RAB38: variants seen among roughly 807,000 people sequenced by gnomAD.
RAB38 encodes the protein ras-related protein Rab-38.
A neutral mutation model predicts 18.4 loss-of-function variants in RAB38; 15 were observed. That is an observed-to-expected ratio of 0.82 (90% confidence interval 0.55 to 1.26). The LOEUF is 1.26. Among genes scored for constraint, RAB38 ranks in the 50% most tolerant of loss-of-function variants. RAB38 has a pLI of 0.00. For missense variants in RAB38, 294 were observed against 267.4 expected (o/e 1.10, Z -0.69); for synonymous variants, 101 against 104.4 (o/e 0.97, Z 0.20).
chr11:88,007,201 C>G, the RAB38 span, among the ~76,000 whole-genome samples: 1 of 151,654 alleles, frequency 6.6e-6, no homozygotes, highest in Non-Finnish European at 1.5e-5. Context: ...TATAAACCAT[C>G]CAGATAAAAA....
the RAB38 span, among the ~76,000 whole-genome samples, chr11:88,056,876 G>A: frequency 6.6e-6 from 1 of 151,852 alleles, no homozygotes; most frequent in Admixed American, 6.6e-5. Flanking sequence ...ATTGTCATGA[G>A]GACTTAGGGG....
At chr11:87,876,911 A>C in the RAB38 span, among the ~76,000 whole-genome samples, 4 of 151,652 alleles carry the variant, frequency 2.6e-5, no homozygotes, top group East Asian at 5.9e-4. Flanking sequence ...AATTAAACAC[A>C]TAATATAGTT....
chr11:88,063,831 G>A, the RAB38 span, among the ~76,000 whole-genome samples: 1 of 152,122 alleles, frequency 6.6e-6, no homozygotes, highest in Non-Finnish European at 1.5e-5. Flanking sequence ...GGCCTCCCCA[G>A]CCACGTGGAA....
chr11:88,173,364 C>T (rs1306834556), intron 1 of RAB38, among the ~76,000 whole-genome samples: 2 of 152,142 alleles, frequency 1.3e-5, no homozygotes, highest in African/African-American at 4.8e-5. Flanking sequence ...AAAGCATTCT[C>T]CCTGTTTACA....
chr11:87,872,828 T>C, the RAB38 span, among the ~76,000 whole-genome samples: 1 of 151,626 alleles, frequency 6.6e-6, no homozygotes, highest in African/African-American at 2.4e-5. Context: ...GTTGCATGAA[T>C]GTGTCCCAGA....
At chr11:87,927,394 T>C in the RAB38 span, among the ~76,000 whole-genome samples, 1 of 152,078 alleles carries the variant, frequency 6.6e-6, no homozygotes, top group East Asian at 1.9e-4. Context: ...ACCCATAATA[T>C]TGTATACTGC....
At chr11:88,075,790 A>G in the RAB38 span, among the ~76,000 whole-genome samples, 1 of 151,930 alleles carries the variant, frequency 6.6e-6, no homozygotes, top group Non-Finnish European at 1.5e-5. Flanking sequence ...CTGAGGTTGG[A>G]GGATGGCTTG....
chr11:88,095,213 T>C, the RAB38 span, among the ~76,000 whole-genome samples: 1 of 151,978 alleles, frequency 6.6e-6, no homozygotes, highest in Admixed American at 6.6e-5. Context: ...GAAAGCTCTG[T>C]ATTTATCTCA....
At chr11:87,822,291 T>G in the RAB38 span, among the ~76,000 whole-genome samples, 2 of 152,108 alleles carry the variant, frequency 1.3e-5, no homozygotes, top group Non-Finnish European at 2.9e-5. Flanking sequence ...ATTGTCAGAG[T>G]GGATTAAAAC....
the RAB38 span, among the ~76,000 whole-genome samples, chr11:88,038,460 T>G: frequency 6.6e-6 from 1 of 151,888 alleles, no homozygotes; most frequent in Non-Finnish European, 1.5e-5. Context: ...TCTAAGCCAT[T>G]TAACAGTTTT....
chr11:88,116,580 C>A (rs1023816173), intron 2 of RAB38, among the ~76,000 whole-genome samples: 4 of 152,178 alleles, frequency 2.6e-5, no homozygotes, highest in Non-Finnish European at 4.4e-5. Flanking sequence ...GACATCAAAG[C>A]CTGGCTTTTG....
chr11:88,010,410 A>G, the RAB38 span, among the ~76,000 whole-genome samples: 17 of 151,870 alleles, frequency 1.1e-4, no homozygotes, highest in Admixed American at 2.0e-4. Flanking sequence ...TGTATGAATA[A>G]CTGACTGCCA....
At chr11:87,914,802 G>A in the RAB38 span, among the ~76,000 whole-genome samples, 2 of 152,172 alleles carry the variant, frequency 1.3e-5, no homozygotes, top group African/African-American at 4.8e-5. Flanking sequence ...ACTGCTTCTT[G>A]CATCCTAGCT....
At chr11:87,954,147 T>A in the RAB38 span, among the ~76,000 whole-genome samples, 4 of 152,136 alleles carry the variant, frequency 2.6e-5, no homozygotes, top group African/African-American at 9.7e-5. Context: ...TAAAATGTAG[T>A]CTTGTGTCTG....
chr11:87,825,704 G>A, the RAB38 span, among the ~76,000 whole-genome samples: 2 of 152,222 alleles, frequency 1.3e-5, no homozygotes, highest in Non-Finnish European at 1.5e-5. Flanking sequence ...AAAGAGGGAA[G>A]CAGTCCTGGG....
At chr11:87,873,908 ATG>A in the RAB38 span, among the ~76,000 whole-genome samples, 1 of 99,212 alleles carries the variant, frequency 1.0e-5, no homozygotes, top group African/African-American at 3.5e-5. Context: ...ATATATATAT[ATG>A]TGTGTGTGTG....
At chr11:88,138,280 T>C (rs778513526) in intron 2 of RAB38, among the ~76,000 whole-genome samples, 1 of 152,322 alleles carries the variant, frequency 6.6e-6, no homozygotes, top group South Asian at 2.1e-4. Context: ...GGAATATTCA[T>C]TGAAAATAAG....
intron 1 of RAB38, among the ~76,000 whole-genome samples, chr11:88,150,881 C>A (rs888896123): frequency 6.6e-6 from 1 of 152,148 alleles, no homozygotes; most frequent in Non-Finnish European, 1.5e-5. Flanking sequence ...TTTGACTGAA[C>A]AGATATTTAT....
At chr11:88,019,989 C>A in the RAB38 span, among the ~76,000 whole-genome samples, 3 of 152,108 alleles carry the variant, frequency 2.0e-5, no homozygotes, top group Non-Finnish European at 4.4e-5. Flanking sequence ...AGACCAGTGC[C>A]TGGTGTATGG....
Sources: allele counts gnomAD v4.1 joint callset (sites outside exome capture counted in the v4.1 genomes callset), GRCh38; gene constraint gnomAD v4.1.1; transcripts MANE v1.5; gene names NCBI Gene and HGNC (gene_info 2026-07-23, HGNC 2026-07-21).